FHIT: variants seen among roughly 807,000 people sequenced by gnomAD.
FHIT encodes bis(5'-adenosyl)-triphosphatase.
In FHIT, 19 loss-of-function variants were observed where a neutral mutation model predicts 17.9. That is an observed-to-expected ratio of 1.06 (90% confidence interval 0.74 to 1.56). The LOEUF (loss-of-function observed/expected upper bound fraction) is 1.56, where lower values mean the gene tolerates loss of function less well. FHIT is among the 40% of genes most tolerant of loss of function. FHIT has a pLI of 0.00. For synonymous variants in FHIT, 81 were observed against 69.7 expected, an observed-to-expected ratio of 1.16 and a Z score of -0.81; for missense variants, 248 against 189.2, an observed-to-expected ratio of 1.31 and a Z score of -1.82.
intron 5 of FHIT, among the ~76,000 whole-genome samples, chr3:60,089,047 C>T (rs564088103): frequency 3.3e-5 from 5 of 152,324 alleles, no homozygotes; most frequent in Admixed American, 1.3e-4. Context: ...GACCCCAACG[C>T]TAATGGCAAG....
At chr3:61,087,617 A>G (rs1255364603) in intron 2 of FHIT, among the ~76,000 whole-genome samples, 2 of 152,224 alleles carry the variant, frequency 1.3e-5, no homozygotes, top group African/African-American at 4.8e-5. Flanking sequence ...GATGCTCATG[A>G]TGATAATGAT....
chr3:59,845,460 G>C (rs955243532), intron 8 of FHIT, among the ~76,000 whole-genome samples: 5 of 151,890 alleles, frequency 3.3e-5, no homozygotes, highest in Admixed American at 6.6e-5. Context: ...CCATATGTTT[G>C]GATATGTTGT....
At chr3:61,243,304 T>C (rs541247613) in intron 1 of FHIT, among the ~76,000 whole-genome samples, 1 of 152,338 alleles carries the variant, frequency 6.6e-6, no homozygotes, top group East Asian at 1.9e-4. Flanking sequence ...ATGTAATAAA[T>C]GATTTCTCCT....
intron 8 of FHIT, among the ~76,000 whole-genome samples, chr3:59,860,422 C>A (rs1400710271): frequency 6.6e-6 from 1 of 152,142 alleles, no homozygotes; most frequent in East Asian, 1.9e-4. Flanking sequence ...AAACAGTTGC[C>A]ATAGGGAATG....
chr3:60,559,705 T>G (rs975193963), intron 4 of FHIT, among the ~76,000 whole-genome samples: 1 of 152,088 alleles, frequency 6.6e-6, no homozygotes, highest in African/African-American at 2.4e-5. Context: ...CATATGTATC[T>G]CTGGGCTCCT....
At chr3:60,098,647 T>G (rs1231407803) in intron 5 of FHIT, among the ~76,000 whole-genome samples, 2 of 152,218 alleles carry the variant, frequency 1.3e-5, no homozygotes, top group Admixed American at 6.5e-5. Context: ...TTGCAAAAAT[T>G]TTCTCCCATT....
At position 61,137,262 on chromosome 3, in the gene FHIT, C is replaced by CT. The variant is rs67142172; in HGVS notation, c.-164+63354dup. Among the ~76,000 whole-genome samples the CT allele has an allele frequency of 9.5e-3, 997 of 105,380 alleles. 5 individuals carry two copies. Among genetic ancestry groups the CT allele is most frequent in the East Asian group, 0.014 (48 of 3,424 alleles). 69.1% of individuals were successfully genotyped at this position (105,380 alleles called of 152,430 possible). A position where few individuals can be genotyped will look rare whatever the true frequency, so the allele number is the denominator to read the frequency against. ...TCTAAAACGTATCATAGGTTTCACTCTTTTTTTTTTTTTTTTTTTTTTTGG... is the reference window on the plus strand; with the variant it reads ...TCTAAAACGTATCATAGGTTTCACTCTTTTTTTTTTTTTTTTTTTTTTTTGG... On this transcript the variant is annotated intron_variant, in intron 2 of 9. Transcript: ENST00000492590.
At chr3:60,321,208 A>G (rs755755403) in intron 5 of FHIT, among the ~76,000 whole-genome samples, 2 of 152,184 alleles carry the variant, frequency 1.3e-5, no homozygotes, top group Non-Finnish European at 2.9e-5. Flanking sequence ...GGCCAGGTAC[A>G]GTGGCTCATG....
intron 5 of FHIT, among the ~76,000 whole-genome samples, chr3:60,397,025 C>T (rs561673823): frequency 1.3e-5 from 2 of 152,252 alleles, no homozygotes; most frequent in Admixed American, 6.5e-5. Flanking sequence ...TATAGGAATG[C>T]ACCAGGCAAT....
chr3:60,225,264 G>T (rs73832509), intron 5 of FHIT, among the ~76,000 whole-genome samples: 4 of 152,124 alleles, frequency 2.6e-5, no homozygotes, highest in Non-Finnish European at 5.9e-5. Flanking sequence ...ATCCAGTGAC[G>T]TGGTTAACTA....
chr3:60,379,157 G>C (rs1292057125), intron 5 of FHIT, among the ~76,000 whole-genome samples: 1 of 152,198 alleles, frequency 6.6e-6, no homozygotes, highest in African/African-American at 2.4e-5. Flanking sequence ...AGCCCTAATT[G>C]TTCAAGATTT....
chr3:60,017,430 G>C (rs756044066), intron 5 of FHIT, among the ~76,000 whole-genome samples: 3 of 152,166 alleles, frequency 2.0e-5, no homozygotes, highest in Non-Finnish European at 4.4e-5. Flanking sequence ...TTCTCATCCT[G>C]ACTTTGGGTT....
At chr3:60,639,358 A>G (rs782222148) in intron 4 of FHIT, among the ~76,000 whole-genome samples, 11 of 152,088 alleles carry the variant, frequency 7.2e-5, no homozygotes, top group Admixed American at 1.3e-4. Flanking sequence ...GCAAATTCCT[A>G]AACTGCAAAC....
At chr3:60,643,105 T>C (rs928800752) in intron 4 of FHIT, among the ~76,000 whole-genome samples, 4 of 152,186 alleles carry the variant, frequency 2.6e-5, no homozygotes, top group Non-Finnish European at 5.9e-5. Context: ...TCACATATAA[T>C]CTGGCTCATA....
At chr3:60,719,199 C>T (rs544257788) in intron 4 of FHIT, among the ~76,000 whole-genome samples, 22 of 152,234 alleles carry the variant, frequency 1.4e-4, no homozygotes, top group Middle Eastern at 3.4e-3. Flanking sequence ...AAATTATTAC[C>T]CTCATTACAG....
chr3:60,841,447 T>A (rs1233266219), intron 3 of FHIT, among the ~76,000 whole-genome samples: 1 of 152,228 alleles, frequency 6.6e-6, no homozygotes, highest in Admixed American at 6.5e-5. Flanking sequence ...TCAATAATGC[T>A]AATGTACCGG....
intron 1 of FHIT, among the ~76,000 whole-genome samples, chr3:61,249,158 A>T (rs9831680): frequency 0.45 from 68,824 of 152,040 alleles, 19,586 homozygotes; most frequent in East Asian, 0.79. Flanking sequence ...AGAGCTACAC[A>T]TCTGGTGTTC....
chr3:59,827,313 C>G (rs1701011276), intron 8 of FHIT, among the ~76,000 whole-genome samples: 1 of 152,152 alleles, frequency 6.6e-6, no homozygotes, highest in South Asian at 2.1e-4. Flanking sequence ...ATTGGAATAA[C>G]ACAGGCCAAG....
At chr3:60,360,196 A>T (rs1231341112) in intron 5 of FHIT, among the ~76,000 whole-genome samples, 1 of 152,046 alleles carries the variant, frequency 6.6e-6, no homozygotes. Context: ...AAACTATTAA[A>T]CACTAAAAGA....
Sources: gnomAD v4.1 joint callset for allele counts (sites outside exome capture counted in the v4.1 genomes callset) on GRCh38, gnomAD v4.1.1 for gene constraint, MANE v1.5 for transcripts, NCBI Gene and HGNC (gene_info 2026-07-23, HGNC 2026-07-21) for gene names.